The following KIAA1549 variants were observed in gnomAD, a reference collection of about 807,000 sequenced individuals.
The protein encoded by KIAA1549 is UPF0606 protein KIAA1549.
In KIAA1549, 70 loss-of-function variants were observed where a neutral mutation model predicts 156.4. The ratio of observed to expected loss-of-function variants is 0.45; its 90% CI spans 0.37 to 0.55. The LOEUF (loss-of-function observed/expected upper bound fraction) is 0.55, where lower values mean the gene tolerates loss of function less well. Among genes scored for constraint, KIAA1549 ranks in the 20% least tolerant of loss-of-function variants. The pLI is 0.00. For missense variants in KIAA1549, 2,428 were observed against 2,540.9 expected (o/e 0.96, Z 0.96); for synonymous variants, 1,103 against 1,066.4 (o/e 1.03, Z -0.67).
intron 6 of KIAA1549, among the ~76,000 whole-genome samples, chr7:138,906,322 C>T (rs967636318): frequency 6.6e-6 from 1 of 152,146 alleles, no homozygotes. Flanking sequence ...AAACTATGGG[C>T]TATGGATGAT....
rs2130482244 is a variant in KIAA1549, at chr7:138,918,638, T to C, written c.988A>G (p.Ser330Gly). 6.2e-7 allele frequency: 1 copy of C among 1,613,844 alleles called. No individual in the cohort carries two copies. Among genetic ancestry groups the C allele is most frequent in the Middle Eastern group, 1.6e-4 (1 of 6,062 alleles). Reference protein sequence around the residue: ...DRYTDVTTVLSQSLEETISPR... With the variant: ...DRYTDVTTVLGQSLEETISPR... ...GAGATGGTTTCTTCTAGGCTTTGAC[T>C]CAACACAGTGGTCACATCAGTGTAT... The change falls in exon 2 of 20, where the codon AGT becomes GGT. Residue 330 changes from serine to glycine, a missense_variant. Ser to Gly is a moderately conservative substitution (Grantham distance 56). Around this residue, in one of 5 missense-constraint regions of KIAA1549, gnomAD observed 893 missense variants for 847.9 expected, o/e 1.05. Coordinates refer to ENST00000422774, the MANE Select transcript of KIAA1549 (RefSeq NM_001164665.2). The surrounding 1 kb of genome is among the most constrained non-coding windows in gnomAD (Gnocchi z 4.2).
intron 2 of KIAA1549, 28 bp from the exon 3 acceptor site, chr7:138,912,488 C>A (rs767413630): frequency 1.3e-6 from 2 of 1,564,608 alleles, no homozygotes; most frequent in Non-Finnish European, 1.8e-6. Flanking sequence ...CCACCAAATG[C>A]CTTTTCATGT....
chr7:138,897,942 C>T (rs796974207), intron 9 of KIAA1549, among the ~76,000 whole-genome samples: 1 of 144,786 alleles, frequency 6.9e-6, no homozygotes, highest in African/African-American at 2.6e-5. Flanking sequence ...TGATTCACAC[C>T]GTAAAGGACT....
Position 138,837,804 on chromosome 7 carries a change from G to C in KIAA1549, c.*102C>G, listed in dbSNP as rs535820377. ...GCTCCCTCCCTTGGGCAGGCTGCCC[G>C]AGAGTTGCTCCTTCCTCTTCCAAAC... On this transcript the variant is annotated 3_prime_UTR_variant, in exon 20 of 20. Transcript: ENST00000422774. 15 of 1,379,228 alleles carry C rather than the reference G, an allele frequency of 1.1e-5. No homozygotes were observed. Among genetic ancestry groups the C allele is most frequent in the African/African-American group, 2.9e-5 (2 of 69,290 alleles). The allele number at this position is 1,379,228 out of a possible 1,614,324, so 85.4% of individuals were successfully genotyped here. A position where few individuals can be genotyped will look rare whatever the true frequency, so the allele number is the denominator to read the frequency against.
At chr7:138,854,206 C>T (rs1321178549) in intron 16 of KIAA1549, among the ~76,000 whole-genome samples, 2 of 152,148 alleles carry the variant, frequency 1.3e-5, no homozygotes, top group African/African-American at 4.8e-5. Context: ...TTAATGCATC[C>T]CTTTTTTCTA....
chr7:138,949,476 T>C (rs1347106240), intron 1 of KIAA1549, among the ~76,000 whole-genome samples: 1 of 152,176 alleles, frequency 6.6e-6, no homozygotes, highest in Non-Finnish European at 1.5e-5. Flanking sequence ...AAATGGAAGT[T>C]CTGATGTTTT....
At chr7:138,965,016 C>T (rs112315201) in intron 1 of KIAA1549, among the ~76,000 whole-genome samples, 2 of 150,552 alleles carry the variant, frequency 1.3e-5, no homozygotes, top group East Asian at 2.0e-4. Flanking sequence ...GCTGAAGTGC[C>T]GTGGTGCGAT....
At position 138,918,425 on chromosome 7, in the gene KIAA1549, C is replaced by T. The variant is rs151118504; in HGVS notation, c.1201G>A (p.Gly401Ser). The change falls in exon 2 of 20, where the codon GGT becomes AGT. Residue 401 changes from glycine to serine, a missense_variant. By Grantham distance (56) the Gly-to-Ser change is moderately conservative. This residue lies in a region of KIAA1549 where 893 missense variants were observed against 847.9 expected (regional missense o/e 1.05). Transcript: ENST00000422774. The surrounding 1 kb of genome is among the most constrained non-coding windows in gnomAD (Gnocchi z 4.2). ...SELHSNSALPGPVDNTHILSP... is the reference protein window; with the variant it reads ...SELHSNSALPSPVDNTHILSP... ...AGGATATGAGTGTTGTCCACAGGAC[C>T]GGGGAGGGCTGAATTGCTATGCAAT... The T allele has an allele frequency of 1.2e-3, 1,953 of 1,613,812 alleles. 1 individual carries two copies. The highest frequency in any genetic ancestry group is 1.5e-3 in the Non-Finnish European group (1,790 of 1,179,864).
intron 6 of KIAA1549, 29 bp from the exon 7 acceptor site, chr7:138,905,110 GA>G: frequency 6.9e-7 from 1 of 1,458,112 alleles, no homozygotes; most frequent in Non-Finnish European, 9.4e-7. Flanking sequence ...TAGGGAAGGA[GA>G]AAAATATCTG....
intron 1 of KIAA1549, among the ~76,000 whole-genome samples, chr7:138,944,644 T>C (rs1248265070): frequency 2.0e-5 from 3 of 151,084 alleles, no homozygotes; most frequent in Non-Finnish European, 4.4e-5. Flanking sequence ...TCAACCCAAA[T>C]GTCCACCAAC....
In KIAA1549 at chr7:138,916,814, G is replaced by C; in HGVS notation, c.2812C>G (p.Leu938Val). The change falls in exon 2 of 20, where the codon CTG (leucine) becomes GTG (valine). Residue 938 changes from leucine to valine, a missense_variant. By Grantham distance (32) the Leu-to-Val change is conservative. Around this residue, in one of 5 missense-constraint regions of KIAA1549, gnomAD observed 762 missense variants for 901.6 expected, o/e 0.85. Transcript: ENST00000422774. ...ACATATGGCGGCTTGGCAGTAGCCA[G>C]TGTTGGTGTGTCGACTGTTGCTTCG... The part of the protein sequence containing the change: ...TLEATVDTPT[L>V]ATAKPPYVCD... 6.2e-7 allele frequency: 1 copy of C among 1,614,014 alleles called. No individual in the cohort carries two copies. The highest frequency in any genetic ancestry group is 8.5e-7 in the Non-Finnish European group (1 of 1,179,894).
chr7:138,955,656 T>C (rs866349257), intron 1 of KIAA1549, among the ~76,000 whole-genome samples: 5 of 152,162 alleles, frequency 3.3e-5, no homozygotes, highest in Non-Finnish European at 5.9e-5. Flanking sequence ...TCCCATTTTA[T>C]GAAAAAAGTA....
intron 1 of KIAA1549, among the ~76,000 whole-genome samples, chr7:138,973,535 C>G (rs145831775): frequency 1.3e-5 from 2 of 152,222 alleles, no homozygotes; most frequent in Non-Finnish European, 2.9e-5. Context: ...CTCTCCTTCA[C>G]GCTAGTTTCA....
At chr7:138,851,204 T>A (rs1304953557) in intron 17 of KIAA1549, among the ~76,000 whole-genome samples, 3 of 152,210 alleles carry the variant, frequency 2.0e-5, no homozygotes, top group Non-Finnish European at 4.4e-5. Context: ...TTTAGATATC[T>A]ACCATCTTAA....
intron 1 of KIAA1549, among the ~76,000 whole-genome samples, chr7:138,952,003 A>G (rs1024757172): frequency 6.6e-6 from 1 of 152,208 alleles, no homozygotes; most frequent in African/African-American, 2.4e-5. Context: ...GGGTTAACCA[A>G]TCCTGCCCTC....
At chr7:138,907,449 G>A (rs1030066122) in intron 5 of KIAA1549, among the ~76,000 whole-genome samples, 1 of 152,188 alleles carries the variant, frequency 6.6e-6, no homozygotes, top group Non-Finnish European at 1.5e-5. Context: ...ATGAAGAAAG[G>A]ATGGGATTGG....
At chr7:138,951,260 C>T (rs970233263) in intron 1 of KIAA1549, among the ~76,000 whole-genome samples, 1 of 152,058 alleles carries the variant, frequency 6.6e-6, no homozygotes, top group Non-Finnish European at 1.5e-5. Flanking sequence ...ACCTGAATCC[C>T]GGACAGGGCA....
Position 138,833,120 on chromosome 7 carries a change from G to A in KIAA1549, c.*4786C>T, listed in dbSNP as rs1809588430. On this transcript the variant is annotated 3_prime_UTR_variant, in exon 20 of 20. Transcript: ENST00000422774. ...ATGTGGATAAGCAGGCTCTAGTACT[G>A]GCGCTGGCACCTTGCTCCGGAGGTA... The A allele has an allele frequency of 4.3e-6, 1 of 232,422 alleles. No individual in the cohort carries two copies. Among genetic ancestry groups the A allele is most frequent in the South Asian group, 1.8e-4 (1 of 5,522 alleles). 14.4% of individuals were successfully genotyped at this position (232,422 alleles called of 1,614,324 possible).
At chr7:138,975,151 G>T (rs536625177) in intron 1 of KIAA1549, among the ~76,000 whole-genome samples, 1 of 152,312 alleles carries the variant, frequency 6.6e-6, no homozygotes, top group Non-Finnish European at 1.5e-5. Flanking sequence ...AGGCAGTGAT[G>T]ATGCTCAGAG....
Sources: allele counts gnomAD v4.1 joint callset (sites outside exome capture counted in the v4.1 genomes callset), GRCh38; gene constraint gnomAD v4.1.1; regional missense constraint gnomAD v4.1.1; non-coding constraint Gnocchi (gnomAD v3.1); transcripts MANE v1.5; gene names NCBI Gene and HGNC (gene_info 2026-07-23, HGNC 2026-07-21).